The following CSMD1 variants were observed in gnomAD, a reference collection of about 807,000 sequenced individuals.
The protein encoded by CSMD1 is CUB and Sushi multiple domains 1.
CSMD1 carries 213 observed loss-of-function variants against 417.5 expected under a neutral mutation model. The ratio of observed to expected loss-of-function variants is 0.51; its 90% CI spans 0.46 to 0.57. The LOEUF (loss-of-function observed/expected upper bound fraction) is 0.57, where lower values mean the gene tolerates loss of function less well. Ranked by LOEUF, CSMD1 falls within the 20% of genes least tolerant of loss-of-function variation. The pLI, the probability that CSMD1 is intolerant of heterozygous loss-of-function variation, is 0.00. For missense variants in CSMD1, 6,923 were observed against 4,529.7 expected (o/e 1.53, Z -15.17); for synonymous variants, 2,862 against 1,736.8 (o/e 1.65, Z -16.11).
At chr8:3,094,387 G>T (rs921176602) in intron 47 of CSMD1, among the ~76,000 whole-genome samples, 7 of 152,310 alleles carry the variant, frequency 4.6e-5, no homozygotes, top group African/African-American at 1.7e-4. Context: ...TTACAGGCGT[G>T]AGCCACTAAG....
At chr8:4,771,966 T>A (rs1423976615) in intron 1 of CSMD1, among the ~76,000 whole-genome samples, 1 of 152,166 alleles carries the variant, frequency 6.6e-6, no homozygotes, top group Non-Finnish European at 1.5e-5. Flanking sequence ...GCAACAATGA[T>A]CACAAACATT....
chr8:3,110,364 G>A (rs746746253), intron 42 of CSMD1, 29 bp from the exon 43 acceptor site: 101 of 1,555,942 alleles, frequency 6.5e-5, no homozygotes, highest in South Asian at 1.2e-4. Flanking sequence ...AAAAACAAGC[G>A]CCATACAGCT....
intron 1 of CSMD1, among the ~76,000 whole-genome samples, chr8:4,897,298 C>T (rs183161793): frequency 6.6e-6 from 1 of 151,892 alleles, no homozygotes; most frequent in African/African-American, 2.4e-5. Context: ...AAGAAAAAAA[C>T]GGAAAAAATA....
intron 11 of CSMD1, among the ~76,000 whole-genome samples, chr8:3,493,301 A>G (rs1166559820): frequency 6.8e-6 from 1 of 147,952 alleles, no homozygotes; most frequent in Non-Finnish European, 1.5e-5. Flanking sequence ...CTCAAAAAAA[A>G]AAAAAAAAAA....
intron 10 of CSMD1, among the ~76,000 whole-genome samples, chr8:3,500,441 T>A (rs1406242655): frequency 2.0e-5 from 3 of 151,396 alleles, no homozygotes; most frequent in Non-Finnish European, 2.9e-5. Context: ...GAAATGGGGG[T>A]CCCTAACCAC....
At chr8:3,402,258 T>C (rs967647493) in intron 15 of CSMD1, among the ~76,000 whole-genome samples, 1 of 152,202 alleles carries the variant, frequency 6.6e-6, no homozygotes, top group African/African-American at 2.4e-5. Flanking sequence ...CAATCCTTAA[T>C]CTTTTTTTTC....
At chr8:4,744,142 T>C (rs1267853613) in intron 1 of CSMD1, among the ~76,000 whole-genome samples, 1 of 152,190 alleles carries the variant, frequency 6.6e-6, no homozygotes, top group Non-Finnish European at 1.5e-5. Flanking sequence ...GGACGCCAAT[T>C]TCTTTGGGTT....
At chr8:3,674,119 AAT>A (rs1491208068) in intron 7 of CSMD1, among the ~76,000 whole-genome samples, 1 of 148,856 alleles carries the variant, frequency 6.7e-6, no homozygotes, top group Non-Finnish European at 1.5e-5. Flanking sequence ...AGACAAAAAA[AAT>A]CTCCCTAGAA....
intron 10 of CSMD1, among the ~76,000 whole-genome samples, chr8:3,512,502 C>G (rs150756216): frequency 2.0e-5 from 3 of 151,756 alleles, no homozygotes; most frequent in African/African-American, 7.3e-5. Context: ...AGAATGACCA[C>G]ATGAACGGCT....
At chr8:4,012,651 T>C (rs1482784343) in intron 4 of CSMD1, among the ~76,000 whole-genome samples, 1 of 152,178 alleles carries the variant, frequency 6.6e-6, no homozygotes, top group Non-Finnish European at 1.5e-5. Flanking sequence ...ATCAGTTCCA[T>C]GAATGTCTCC....
At chr8:4,261,059 T>C (rs186446639) in intron 3 of CSMD1, among the ~76,000 whole-genome samples, 1 of 152,346 alleles carries the variant, frequency 6.6e-6, no homozygotes, top group African/African-American at 2.4e-5. Context: ...GAATTTAGGA[T>C]TCCGGATACC....
chr8:4,583,520 A>T (rs1183294256), intron 2 of CSMD1, among the ~76,000 whole-genome samples: 1 of 151,580 alleles, frequency 6.6e-6, no homozygotes, highest in Non-Finnish European at 1.5e-5. Flanking sequence ...ACCAATCGAC[A>T]CTCTGTATCT....
intron 1 of CSMD1, among the ~76,000 whole-genome samples, chr8:4,926,086 T>C (rs556650904): frequency 6.6e-6 from 1 of 152,232 alleles, no homozygotes; most frequent in African/African-American, 2.4e-5. Context: ...CTTATTCTTT[T>C]GAATTGTTTT....
intron 3 of CSMD1, among the ~76,000 whole-genome samples, chr8:4,184,042 ATT>A (rs1444867524): frequency 2.0e-5 from 3 of 152,224 alleles, no homozygotes; most frequent in African/African-American, 7.2e-5. Flanking sequence ...ATGATGGCAA[ATT>A]CTGTTATTAT....
At chr8:3,260,134 CT>C (rs1269495871) in intron 26 of CSMD1, among the ~76,000 whole-genome samples, 10 of 152,320 alleles carry the variant, frequency 6.6e-5, no homozygotes, top group African/African-American at 2.2e-4. Flanking sequence ...TTACCTTGCT[CT>C]TTCCCATTAA....
intron 1 of CSMD1, among the ~76,000 whole-genome samples, chr8:4,841,812 G>A (rs981446613): frequency 6.7e-6 from 1 of 148,964 alleles, no homozygotes; most frequent in Admixed American, 6.9e-5. Flanking sequence ...TCGGGAGGCT[G>A]AGGCAGGAGA....
At chr8:4,398,638 G>T (rs1371603669) in intron 3 of CSMD1, among the ~76,000 whole-genome samples, 1 of 151,928 alleles carries the variant, frequency 6.6e-6, no homozygotes, top group Non-Finnish European at 1.5e-5. Context: ...CTCCTGATCT[G>T]CCCCTCTTGG....
intron 5 of CSMD1, among the ~76,000 whole-genome samples, chr8:3,872,703 G>A (rs890628334): frequency 1.2e-4 from 18 of 152,012 alleles, no homozygotes; most frequent in African/African-American, 4.1e-4. Context: ...CTACTTAGAA[G>A]GCCTTGTTCT....
At chr8:4,967,392 C>T (rs550684167) in intron 1 of CSMD1, among the ~76,000 whole-genome samples, 10 of 152,142 alleles carry the variant, frequency 6.6e-5, no homozygotes, top group Non-Finnish European at 1.0e-4. Flanking sequence ...AGCCATTTTG[C>T]CTATAATACA....
Sources: allele counts gnomAD v4.1 joint callset (sites outside exome capture counted in the v4.1 genomes callset), GRCh38; gene constraint gnomAD v4.1.1; transcripts MANE v1.5; gene names NCBI Gene and HGNC (gene_info 2026-07-23, HGNC 2026-07-21).